Variants in FBXW8 observed in about 807,000 individuals in gnomAD.
FBXW8 encodes the protein F-box/WD repeat-containing protein 8.
In FBXW8, 57 loss-of-function variants were observed where a neutral mutation model predicts 65.3. The observed-to-expected ratio is 0.87, with a 90% CI of 0.71 to 1.09. The LOEUF is 1.09. FBXW8 is among the 50% of genes least tolerant of loss of function. The pLI, the probability that FBXW8 is intolerant of heterozygous loss-of-function variation, is 0.00. For synonymous variants in FBXW8, 308 were observed against 330.2 expected (o/e 0.93, Z 0.73); for missense variants, 777 against 814.8 (o/e 0.95, Z 0.57).
intron 5 of FBXW8, among the ~76,000 whole-genome samples, chr12:116,970,430 G>A (rs544753802): frequency 3.9e-5 from 6 of 152,144 alleles, no homozygotes; most frequent in African/African-American, 1.4e-4. Context: ...TCCATTGTCC[G>A]GGACTGTGGC....
At chr12:116,914,287 C>T (rs1880223815) in intron 1 of FBXW8, among the ~76,000 whole-genome samples, 1 of 151,484 alleles carries the variant, frequency 6.6e-6, no homozygotes, top group South Asian at 2.1e-4. Context: ...AGGCAAAAAG[C>T]AAACTTTGTG....
chr12:116,968,677 A>C (rs905637444), intron 5 of FBXW8, among the ~76,000 whole-genome samples: 1 of 152,224 alleles, frequency 6.6e-6, no homozygotes, highest in African/African-American at 2.4e-5. Flanking sequence ...TCTTACCAGC[A>C]AGCCATGAGA....
intron 2 of FBXW8, among the ~76,000 whole-genome samples, chr12:116,939,958 A>T (rs1193863414): frequency 2.0e-5 from 3 of 152,228 alleles, no homozygotes; most frequent in Non-Finnish European, 4.4e-5. Flanking sequence ...TGTGGACCAG[A>T]CATGCCAAAA....
At chr12:116,925,412 T>G (rs540746914) in intron 1 of FBXW8, among the ~76,000 whole-genome samples, 8 of 152,234 alleles carry the variant, frequency 5.3e-5, no homozygotes, top group Non-Finnish European at 1.2e-4. Flanking sequence ...GGACCATTGA[T>G]AGAATATGTT....
chr12:116,951,997 A>G (rs1485163974), intron 4 of FBXW8, among the ~76,000 whole-genome samples: 2 of 152,112 alleles, frequency 1.3e-5, no homozygotes, highest in African/African-American at 4.8e-5. Flanking sequence ...CTTACAAATA[A>G]TTTCTAGTTA....
chr12:117,010,403 C>G lies in FBXW8; in HGVS notation c.1320C>G (p.Leu440=), dbSNP rs1472903462. The G allele has an allele frequency of 1.2e-6, 2 of 1,614,244 alleles. No homozygotes were observed. Among genetic ancestry groups the G allele is most frequent in the South Asian group, 1.1e-5 (1 of 91,088 alleles). Residue 440 remains leucine (L), a synonymous_variant, in exon 8 of 11, where the codon CTC becomes CTG. Coordinates refer to ENST00000652555, the MANE Select transcript of FBXW8 (RefSeq NM_153348.3). ...TCCGTGACTTCACGTGTGTCAACCT[C>G]AGCGACAGCCCTCCCAACCTCATGG... ...NVLRDFTCVN[L]SDSPPNLMVS... is the part of the protein sequence containing the mutation.
chr12:116,991,969 A>G (rs1339383332), intron 7 of FBXW8, among the ~76,000 whole-genome samples: 1 of 152,196 alleles, frequency 6.6e-6, no homozygotes, highest in Non-Finnish European at 1.5e-5. Flanking sequence ...AAATCCACCC[A>G]TTCCTATATC....
At chr12:117,014,173 C>A (rs182843019) in intron 8 of FBXW8, among the ~76,000 whole-genome samples, 1 of 152,196 alleles carries the variant, frequency 6.6e-6, no homozygotes, top group Non-Finnish European at 1.5e-5. Context: ...GCTCTGACTT[C>A]AGGTTTATGG....
At position 116,983,366 on chromosome 12, in the gene FBXW8, C is replaced by T. The variant is rs149738726; in HGVS notation, c.836-1840C>T. 3.5e-3 allele frequency among the ~76,000 whole-genome samples: 539 copies of T among 152,228 alleles called. 9 individuals carry two copies. Among genetic ancestry groups the T allele is most frequent in the East Asian group, 5.0e-3 (26 of 5,176 alleles). ...ATGTGCTGTGGAACCTTTTGTGATC[C>T]GCTTATCCCCCAAGTTTATCATAAT... On this transcript the variant is annotated intron_variant, in intron 5 of 10. Transcript: ENST00000652555.
intron 4 of FBXW8, among the ~76,000 whole-genome samples, chr12:116,951,806 A>G (rs146328546): frequency 4.5e-4 from 68 of 152,276 alleles, no homozygotes; most frequent in South Asian, 1.0e-3. Flanking sequence ...TTTTCACATA[A>G]AACCAGTGAA....
intron 4 of FBXW8, chr12:116,950,568 CT>C (rs1407287275): frequency 1.3e-5 from 2 of 152,086 alleles, no homozygotes; most frequent in Non-Finnish European, 2.9e-5. Context: ...TAAAGAGCAC[CT>C]TTTGAATAGA....
At chr12:116,931,269 G>A (rs1319349124) in intron 2 of FBXW8, among the ~76,000 whole-genome samples, 2 of 152,208 alleles carry the variant, frequency 1.3e-5, no homozygotes, top group African/African-American at 4.8e-5. Context: ...GTGACATGCT[G>A]TGTACATTGC....
intron 7 of FBXW8, among the ~76,000 whole-genome samples, chr12:117,004,744 A>G (rs1238971912): frequency 1.3e-5 from 2 of 152,144 alleles, no homozygotes; most frequent in Admixed American, 6.5e-5. Context: ...TGTAGGTTCT[A>G]CTTCATGCTG....
At chr12:116,966,231 T>C (rs1884318000) in intron 5 of FBXW8, among the ~76,000 whole-genome samples, 1 of 152,224 alleles carries the variant, frequency 6.6e-6, no homozygotes, top group African/African-American at 2.4e-5. Flanking sequence ...ATAGATACCA[T>C]AAGAGCAGCT....
intron 4 of FBXW8, chr12:116,949,971 G>T: frequency 2.5e-6 from 1 of 400,614 alleles, no homozygotes; most frequent in Non-Finnish European, 4.5e-6. Flanking sequence ...TCACTCTTGT[G>T]GCATGTTATG....
intron 4 of FBXW8, among the ~76,000 whole-genome samples, chr12:116,951,774 TC>T (rs1410471391): frequency 6.6e-6 from 1 of 152,174 alleles, no homozygotes; most frequent in Non-Finnish European, 1.5e-5. Flanking sequence ...ATGGACCCAG[TC>T]ATGGTTCTTC....
intron 5 of FBXW8, among the ~76,000 whole-genome samples, chr12:116,984,969 G>A (rs1265011052): frequency 2.0e-5 from 3 of 152,164 alleles, no homozygotes; most frequent in African/African-American, 4.8e-5. Context: ...CAGCCTGGGC[G>A]AAGAGTGAGG....
At chr12:116,931,730 A>C (rs1881786435) in intron 2 of FBXW8, among the ~76,000 whole-genome samples, 1 of 151,614 alleles carries the variant, frequency 6.6e-6, no homozygotes, top group East Asian at 1.9e-4. Flanking sequence ...CCCATAACTG[A>C]ATTTGTTTAT....
chr12:116,924,154 ATTTTC>A (rs1303834393), intron 1 of FBXW8, among the ~76,000 whole-genome samples: 6 of 22,390 alleles, frequency 2.7e-4, no homozygotes. Flanking sequence ...CAGGTTGTCC[ATTTTC>A]ATGTTTTTAA....
Sources: gnomAD v4.1 joint callset for allele counts (sites outside exome capture counted in the v4.1 genomes callset) on GRCh38, gnomAD v4.1.1 for gene constraint, MANE v1.5 for transcripts, NCBI Gene and HGNC (gene_info 2026-07-23, HGNC 2026-07-21) for gene names.